Variants in CALN1 observed in about 807,000 individuals in gnomAD.
CALN1 encodes calneuron 1.
In CALN1, 17 loss-of-function variants were observed where a neutral mutation model predicts 30.6. The ratio of observed to expected loss-of-function variants is 0.56; its 90% confidence interval spans 0.38 to 0.83. The LOEUF is 0.83. Among genes scored for constraint, CALN1 ranks in the 40% least tolerant of loss-of-function variants. The pLI is 0.00. For missense variants in CALN1, 291 were observed against 354.9 expected, an observed-to-expected ratio of 0.82 and a Z score of 1.45; for synonymous variants, 156 against 131.4, an observed-to-expected ratio of 1.19 and a Z score of -1.28.
intron 1 of CALN1, among the ~76,000 whole-genome samples, chr7:72,407,302 T>C (rs1370966364): frequency 1.3e-5 from 2 of 152,210 alleles, no homozygotes; most frequent in African/African-American, 4.8e-5. Context: ...TGTAAAGTGT[T>C]AGGCACAGAG....
chr7:72,311,885 T>C (rs1400951604), intron 2 of CALN1, among the ~76,000 whole-genome samples: 1 of 151,856 alleles, frequency 6.6e-6, no homozygotes, highest in Non-Finnish European at 1.5e-5. Flanking sequence ...AAAATAGGAA[T>C]GATCCAAAGA....
At chr7:71,849,118 T>A (rs533106750) in intron 5 of CALN1, among the ~76,000 whole-genome samples, 30 of 152,338 alleles carry the variant, frequency 2.0e-4, no homozygotes, top group African/African-American at 6.3e-4. Flanking sequence ...TCTATTTACA[T>A]CTAACCATTT....
intron 4 of CALN1, among the ~76,000 whole-genome samples, chr7:72,027,129 A>G (rs546060994): frequency 6.6e-6 from 1 of 152,356 alleles, no homozygotes; most frequent in Non-Finnish European, 1.5e-5. Flanking sequence ...TTCTAGGGCT[A>G]CAGTACATAA....
intron 2 of CALN1, among the ~76,000 whole-genome samples, chr7:72,328,161 C>G (rs573620699): frequency 6.6e-6 from 1 of 152,058 alleles, no homozygotes; most frequent in South Asian, 2.1e-4. Flanking sequence ...GTCTTAAGCA[C>G]AAAACAGAGC....
Position 71,787,499 on chromosome 7 carries a change from A to G in CALN1, c.*276T>C. 2 of 367,342 alleles carry G rather than the reference A, an allele frequency of 5.4e-6. No homozygotes were observed. The highest frequency in any genetic ancestry group is 1.0e-5 in the Non-Finnish European group (2 of 197,042). 22.8% of individuals were successfully genotyped at this position (367,342 alleles called of 1,614,324 possible). On this transcript the variant is annotated 3_prime_UTR_variant, in exon 7 of 7. Coordinates refer to ENST00000395275, the MANE Select transcript of CALN1 (RefSeq NM_031468.4). ...AAGTTTTTCTCTAGAGTTATGACTG[A>G]TGGTTGAAGCAATAATTTGGAAATC...
chr7:72,153,441 G>A (rs1554457537), intron 3 of CALN1, among the ~76,000 whole-genome samples: 1 of 152,016 alleles, frequency 6.6e-6, no homozygotes. Context: ...CACTTTGGGA[G>A]GTCGAGGTGG....
chr7:72,029,328 G>A (rs1801290973), intron 4 of CALN1, among the ~76,000 whole-genome samples: 1 of 152,088 alleles, frequency 6.6e-6, no homozygotes. Context: ...AGCCAGTGAA[G>A]ATTAGCCAAT....
intron 5 of CALN1, among the ~76,000 whole-genome samples, chr7:71,837,243 C>CAAAAAA (rs55977265): frequency 1.9e-3 from 153 of 79,104 alleles, no homozygotes; most frequent in African/African-American, 5.3e-3. Flanking sequence ...AAAAAAAAGA[C>CAAAAAA]AAAAAAAAAA....
rs548142702 is a variant in CALN1, at chr7:72,320,343, C to T, written c.120-41533G>A. On this transcript the variant is annotated intron_variant, in intron 2 of 6. Transcript: ENST00000395275. ...TCCCAGGAAATCCAGTCCAGTGAGT[C>T]GAGCCTGAAGTGCGGGAGGATTCAG... Among the ~76,000 whole-genome samples the T allele has an allele frequency of 1.1e-4, 16 of 152,218 alleles. No individual in the cohort carries two copies. The South Asian group carries it at 1.7e-3, about 16-fold the overall frequency.
intron 2 of CALN1, among the ~76,000 whole-genome samples, chr7:72,327,022 C>T (rs1419908652): frequency 1.3e-5 from 2 of 152,198 alleles, no homozygotes; most frequent in African/African-American, 4.8e-5. Flanking sequence ...GGTAGTAATT[C>T]TGCTGAATCA....
At chr7:72,405,687 A>G (rs1446954146) in intron 1 of CALN1, among the ~76,000 whole-genome samples, 1 of 151,772 alleles carries the variant, frequency 6.6e-6, no homozygotes, top group East Asian at 1.9e-4. Flanking sequence ...GTTAAACAGG[A>G]GAAGCAAGTG....
At chr7:71,940,579 T>G (rs1181787909) in intron 5 of CALN1, among the ~76,000 whole-genome samples, 2 of 152,174 alleles carry the variant, frequency 1.3e-5, no homozygotes, top group African/African-American at 4.8e-5. Context: ...GCTATTCAGT[T>G]TTTATAGTTC....
rs1469890398 is a variant in CALN1, at chr7:72,236,091, AAAAAG to A, written c.244+42590_244+42594del. On this transcript the variant is annotated intron_variant, in intron 3 of 6. Coordinates refer to ENST00000395275, the MANE Select transcript of CALN1 (RefSeq NM_031468.4). ...AGCCCATTCTCCACAAAAAAAAAAA[AAAAAG>A]AAAGAAAGAAAAAAGAAAAAGAACC... is the stretch of plus-strand genomic sequence containing the variant. Among the ~76,000 whole-genome samples, 19 of 151,858 alleles carry A rather than the reference AAAAAG, an allele frequency of 1.3e-4. No homozygotes were observed. In the East Asian group the frequency reaches 2.7e-3, roughly 22 times the overall value.
At chr7:72,392,531 C>T (rs1285269903) in intron 2 of CALN1, among the ~76,000 whole-genome samples, 1 of 152,090 alleles carries the variant, frequency 6.6e-6, no homozygotes, top group Non-Finnish European at 1.5e-5. Flanking sequence ...CTCTCCAGTT[C>T]CCTTTGCACT....
chr7:72,037,420 G>A (rs560294843), intron 4 of CALN1, among the ~76,000 whole-genome samples: 2 of 152,260 alleles, frequency 1.3e-5, no homozygotes, highest in South Asian at 4.1e-4. Flanking sequence ...AAAGTGCTGG[G>A]ATTACAGGCA....
chr7:72,303,501 G>A lies in CALN1; in HGVS notation c.120-24691C>T, dbSNP rs1799435975. Among the ~76,000 whole-genome samples, 4 of 151,046 alleles carry A rather than the reference G, an allele frequency of 2.6e-5. No individual in the cohort carries two copies. In the South Asian group the frequency reaches 6.3e-4, roughly 24 times the overall value. ...AAACCTGGGAGGCAGAGGCTGCGGTGAGCCAAGATCGCGCCATTGCACTCC... is the reference window on the plus strand; with the variant it reads ...AAACCTGGGAGGCAGAGGCTGCGGTAAGCCAAGATCGCGCCATTGCACTCC... On this transcript the variant is annotated intron_variant, in intron 2 of 6. Transcript: ENST00000395275.
chr7:72,489,343 T>C, the CALN1 span, among the ~76,000 whole-genome samples: 1 of 152,218 alleles, frequency 6.6e-6, no homozygotes, highest in Non-Finnish European at 1.5e-5. Flanking sequence ...GTCTTATCTG[T>C]AAATATTCTT....
intron 5 of CALN1, among the ~76,000 whole-genome samples, chr7:71,963,382 T>C (rs1797354368): frequency 6.6e-6 from 1 of 152,090 alleles, no homozygotes. Flanking sequence ...AGGATGGTCT[T>C]GATCTCCTTA....
At chr7:71,983,632 A>G (rs956471143) in intron 5 of CALN1, among the ~76,000 whole-genome samples, 1 of 152,118 alleles carries the variant, frequency 6.6e-6, no homozygotes, top group Non-Finnish European at 1.5e-5. Context: ...CCTGGTTCCA[A>G]GCAATTCTCC....
Sources: allele counts gnomAD v4.1 joint callset (sites outside exome capture counted in the v4.1 genomes callset), GRCh38; gene constraint gnomAD v4.1.1; transcripts MANE v1.5; gene names NCBI Gene and HGNC (gene_info 2026-07-23, HGNC 2026-07-21).